Variants in TTC28 observed in about 807,000 individuals in gnomAD.
TTC28 encodes the protein tetratricopeptide repeat protein 28.
In TTC28, 61 loss-of-function variants were observed where a neutral mutation model predicts 198.0. The ratio of observed to expected loss-of-function variants is 0.31; its 90% CI spans 0.25 to 0.38. The LOEUF (loss-of-function observed/expected upper bound fraction) is 0.38, where lower values mean the gene tolerates loss of function less well. Ranked by LOEUF, TTC28 falls within the 10% of genes least tolerant of loss-of-function variation. The probability of loss-of-function intolerance (pLI) is 1.00; values close to 1 mark genes in which losing one functional copy is unlikely to be tolerated. For synonymous variants in TTC28, 1,171 were observed against 1,297.8 expected (o/e 0.90, Z 2.10); for missense variants, 2,678 against 3,164.0 (o/e 0.85, Z 3.69).
rs183642983 is a variant in TTC28, at chr22:28,088,194, C to T, written c.3932+5886G>A. ...GTTCATATGGCACCAAAAAAGAGCC[C>T]GCATTGCCAAGTCAATCTTAAGCCA... On this transcript the variant is annotated intron_variant, in intron 12 of 22. Transcript: ENST00000397906. Among the ~76,000 whole-genome samples, 746 of 152,158 alleles carry T rather than the reference C, an allele frequency of 4.9e-3. 7 individuals carry two copies. The highest frequency in any genetic ancestry group is 0.016 in the African/African-American group (666 of 41,522).
chr22:28,271,451 A>C (rs1281898293), intron 5 of TTC28, among the ~76,000 whole-genome samples: 1 of 152,088 alleles, frequency 6.6e-6, no homozygotes, highest in Non-Finnish European at 1.5e-5. Flanking sequence ...CTTTACATGT[A>C]GTTGTATGGT....
At chr22:28,166,253 T>C (rs1921930029) in intron 5 of TTC28, among the ~76,000 whole-genome samples, 1 of 152,128 alleles carries the variant, frequency 6.6e-6, no homozygotes, top group Non-Finnish European at 1.5e-5. Flanking sequence ...CTGTCAACAT[T>C]AGACAGATCA....
At chr22:28,465,968 T>G (rs917261695) in intron 2 of TTC28, among the ~76,000 whole-genome samples, 1 of 152,222 alleles carries the variant, frequency 6.6e-6, no homozygotes, top group Non-Finnish European at 1.5e-5. Context: ...TTGCACTTGA[T>G]ACTTCTGCTT....
At chr22:28,346,634 C>T (rs561767349) in intron 2 of TTC28, among the ~76,000 whole-genome samples, 1 of 152,314 alleles carries the variant, frequency 6.6e-6, no homozygotes, top group East Asian at 1.9e-4. Context: ...AACTTTCTTG[C>T]ATATCCATGA....
chr22:28,015,270 C>T (rs1938320882), intron 13 of TTC28, among the ~76,000 whole-genome samples: 1 of 152,142 alleles, frequency 6.6e-6, no homozygotes, highest in African/African-American at 2.4e-5. Context: ...AACAAGGCTG[C>T]CCACGTGCAT....
chr22:28,489,156 TGCCTGTAGTCCCA>T (rs976820311), intron 2 of TTC28, among the ~76,000 whole-genome samples: 5 of 152,050 alleles, frequency 3.3e-5, no homozygotes, highest in Non-Finnish European at 7.4e-5. Context: ...CAGTAGGGCA[TGCCTGTAGTCCCA>T]GCTACTCATG....
chr22:28,076,658 G>T (rs1360503726), intron 12 of TTC28, among the ~76,000 whole-genome samples: 1 of 152,106 alleles, frequency 6.6e-6, no homozygotes, highest in Non-Finnish European at 1.5e-5. Context: ...CTCACTGCAG[G>T]CTCAAACTCC....
chr22:28,182,838 G>T (rs1923833574), intron 5 of TTC28, among the ~76,000 whole-genome samples: 1 of 152,128 alleles, frequency 6.6e-6, no homozygotes. Flanking sequence ...GCTGGAAGAG[G>T]CCTTACAGAT....
chr22:28,156,533 A>AATAAGAAACTAAGGC (rs955301849), intron 6 of TTC28, among the ~76,000 whole-genome samples: 2 of 152,246 alleles, frequency 1.3e-5, no homozygotes, highest in African/African-American at 4.8e-5. Context: ...GTTATACAGG[A>AATAAGAAACTAAGGC]ATAAGAAACT....
At position 28,238,438 on chromosome 22, in the gene TTC28, T is replaced by C. The variant is rs114688448; in HGVS notation, c.933+57760A>G. The stretch of plus-strand genomic sequence containing the variant: ...GTTTCATTTGGTTCTTTCACAGAGC[T>C]TCCAGTTCTTTTATATTCTATCAAA... On this transcript the variant is annotated intron_variant, in intron 5 of 22. Coordinates refer to ENST00000397906, the MANE Select transcript of TTC28 (RefSeq NM_001145418.2). 2.2e-3 allele frequency among the ~76,000 whole-genome samples: 330 copies of C among 152,330 alleles called. 2 individuals carry two copies. The highest frequency in any genetic ancestry group is 7.6e-3 in the African/African-American group (316 of 41,590).
chr22:28,030,433 G>GGA, intron 12 of TTC28, 67 bp from the exon 13 acceptor site: 1 of 1,533,868 alleles, frequency 6.5e-7, no homozygotes, highest in Non-Finnish European at 8.8e-7. Flanking sequence ...AGTCAGCTCT[G>GGA]AGGTCCTATG....
chr22:28,413,955 G>A (rs1244063407), intron 2 of TTC28, among the ~76,000 whole-genome samples: 1 of 152,168 alleles, frequency 6.6e-6, no homozygotes, highest in Admixed American at 6.5e-5. Context: ...TTATAAACAT[G>A]AAGAGAAGAA....
intron 2 of TTC28, among the ~76,000 whole-genome samples, chr22:28,426,556 C>G (rs931201095): frequency 2.0e-5 from 3 of 152,260 alleles, no homozygotes; most frequent in Middle Eastern, 3.4e-3. Flanking sequence ...TCCCAAGTTT[C>G]TTACTTCCTA....
chr22:28,236,157 G>A (rs763006692), intron 5 of TTC28, among the ~76,000 whole-genome samples: 12 of 152,102 alleles, frequency 7.9e-5, no homozygotes, highest in African/African-American at 2.2e-4. Flanking sequence ...TCCTAGTTCC[G>A]CAGCTAGACA....
intron 2 of TTC28, among the ~76,000 whole-genome samples, chr22:28,347,292 A>G (rs182991659): frequency 6.0e-4 from 91 of 151,862 alleles, no homozygotes; most frequent in African/African-American, 2.1e-3. Flanking sequence ...AAAACAAAAA[A>G]AGAAAAAAGA....
intron 5 of TTC28, among the ~76,000 whole-genome samples, chr22:28,172,634 A>C (rs1183143135): frequency 1.3e-5 from 2 of 152,194 alleles, no homozygotes; most frequent in African/African-American, 4.8e-5. Context: ...GTGTGGGAGA[A>C]AGAGGGAAAG....
chr22:28,463,704 T>C (rs771816012), intron 2 of TTC28, among the ~76,000 whole-genome samples: 11 of 151,896 alleles, frequency 7.2e-5, no homozygotes, highest in African/African-American at 1.7e-4. Context: ...TAGGTGGGTA[T>C]TGAACAATGA....
intron 5 of TTC28, among the ~76,000 whole-genome samples, chr22:28,276,115 G>T (rs1198374299): frequency 6.6e-6 from 1 of 151,846 alleles, no homozygotes; most frequent in Non-Finnish European, 1.5e-5. Context: ...GGACTCCAAT[G>T]ATCTTCCCAC....
Position 28,493,844 on chromosome 22 carries a change from CCAAA to C in TTC28, c.381+135704_381+135707del, listed in dbSNP as rs572556660. 4.3e-4 allele frequency among the ~76,000 whole-genome samples: 66 copies of C among 152,240 alleles called. 1 individual carries two copies. Among genetic ancestry groups the C allele is most frequent in the Admixed American group, 6.5e-4 (10 of 15,298 alleles). ...ACCACAAGGATGCAGTCAGTGAAGT[CCAAA>C]CAGTGAAACACCACATCATTGGTCC... On this transcript the variant is annotated intron_variant, in intron 2 of 22. Transcript: ENST00000397906.
Sources: gnomAD v4.1 joint callset for allele counts (sites outside exome capture counted in the v4.1 genomes callset) on GRCh38, gnomAD v4.1.1 for gene constraint, MANE v1.5 for transcripts, NCBI Gene and HGNC (gene_info 2026-07-23, HGNC 2026-07-21) for gene names.